Variants in CNTN4 observed in about 807,000 individuals in gnomAD.
The protein encoded by CNTN4 is contactin 4, also known as contactin-4.
In CNTN4, 77 loss-of-function variants were observed where a neutral mutation model predicts 122.5. The observed-to-expected ratio is 0.63, with a 90% CI of 0.52 to 0.76. The LOEUF (loss-of-function observed/expected upper bound fraction) is 0.76, where lower values mean the gene tolerates loss of function less well. Among genes scored for constraint, CNTN4 ranks in the 30% least tolerant of loss-of-function variants. The pLI is 0.00. For synonymous variants in CNTN4, 512 were observed against 447.0 expected, an observed-to-expected ratio of 1.15 and a Z score of -1.83; for missense variants, 1,256 against 1,259.1, an observed-to-expected ratio of 1.00 and a Z score of 0.04.
intron 6 of CNTN4, among the ~76,000 whole-genome samples, chr3:2,812,252 A>G (rs1489890536): frequency 1.3e-5 from 2 of 152,192 alleles, no homozygotes; most frequent in African/African-American, 4.8e-5. Flanking sequence ...ACAAACCTGC[A>G]CATGTACCCC....
intron 12 of CNTN4, among the ~76,000 whole-genome samples, chr3:2,914,148 GC>G (rs2151255058): frequency 6.6e-6 from 1 of 152,196 alleles, no homozygotes; most frequent in African/African-American, 2.4e-5. Context: ...TACGGATGCA[GC>G]AAAAGCAGTA....
intron 4 of CNTN4, among the ~76,000 whole-genome samples, chr3:2,588,657 G>T (rs1157440345): frequency 6.6e-6 from 1 of 151,894 alleles, no homozygotes; most frequent in East Asian, 1.9e-4. Flanking sequence ...GAGCCACCAC[G>T]CCTGGCCATG....
chr3:2,870,561 T>G (rs1559602006), intron 8 of CNTN4, among the ~76,000 whole-genome samples: 3 of 152,196 alleles, frequency 2.0e-5, no homozygotes, highest in African/African-American at 7.2e-5. Context: ...TGAAATTCTC[T>G]CTCCTCAAGA....
chr3:2,578,139 T>C (rs777878576), intron 4 of CNTN4, among the ~76,000 whole-genome samples: 3 of 152,084 alleles, frequency 2.0e-5, no homozygotes, highest in Non-Finnish European at 4.4e-5. Flanking sequence ...GAATCTATGA[T>C]AGACAAAAAT....
At position 2,340,710 on chromosome 3, in the gene CNTN4, T is replaced by TATATATATATATATAGAGAGAGAGAGAG; in HGVS notation, c.-89+1478_-89+1479insTATATATATATATAGAGAGAGAGAGAGA. On this transcript the variant is annotated intron_variant, in intron 3 of 24. Coordinates refer to ENST00000418658, the MANE Select transcript of CNTN4 (RefSeq NM_175607.3). ...TTATATATATATATATATATATATA[T>TATATATATATATATAGAGAGAGAGAGAG]AGAGAGAGAGAGAGAGAGAGAGAGA... 2.0e-3 allele frequency among the ~76,000 whole-genome samples: 37 copies of TATATATATATATATAGAGAGAGAGAGAG among 18,298 alleles called. 1 individual carries two copies. Among genetic ancestry groups the TATATATATATATATAGAGAGAGAGAGAG allele is most frequent in the East Asian group, 5.0e-3 (1 of 202 alleles). 12.0% of individuals were successfully genotyped at this position (18,298 alleles called of 152,430 possible).
At chr3:2,319,705 C>A (rs188986610) in intron 2 of CNTN4, among the ~76,000 whole-genome samples, 1 of 152,088 alleles carries the variant, frequency 6.6e-6, no homozygotes, top group Non-Finnish European at 1.5e-5. Context: ...TTTATGTTAT[C>A]GGTAAGACTT....
At chr3:2,406,003 G>C (rs976888330) in intron 3 of CNTN4, among the ~76,000 whole-genome samples, 6 of 151,206 alleles carry the variant, frequency 4.0e-5, no homozygotes, top group African/African-American at 9.7e-5. Flanking sequence ...CTCCAGCCTA[G>C]ATGACAGAGT....
intron 6 of CNTN4, among the ~76,000 whole-genome samples, chr3:2,759,922 C>G (rs531327280): frequency 1.3e-5 from 2 of 152,282 alleles, no homozygotes; most frequent in African/African-American, 4.8e-5. Context: ...GCATTTCCCA[C>G]ATGGCTAATG....
chr3:2,973,423 C>A lies in CNTN4; in HGVS notation c.1359-14922C>A, dbSNP rs146103279. ...CTCTGTTTATCCCAGACACTGATTT[C>A]TCTATTCAGTTTTGTGATGTGGAGA... On this transcript the variant is annotated intron_variant, in intron 13 of 24. Coordinates refer to ENST00000418658, the MANE Select transcript of CNTN4 (RefSeq NM_175607.3). Among the ~76,000 whole-genome samples, 1,089 of 152,136 alleles carry A rather than the reference C, an allele frequency of 7.2e-3. 22 individuals carry two copies. Among genetic ancestry groups the A allele is most frequent in the African/African-American group, 0.025 (1,018 of 41,440 alleles).
chr3:2,749,127 T>C (rs1413907887), intron 6 of CNTN4, among the ~76,000 whole-genome samples: 1 of 152,120 alleles, frequency 6.6e-6, no homozygotes, highest in Non-Finnish European at 1.5e-5. Context: ...CCTCTACTTT[T>C]ACATAACAGT....
intron 2 of CNTN4, among the ~76,000 whole-genome samples, chr3:2,154,959 C>T (rs967407932): frequency 3.3e-5 from 5 of 152,218 alleles, no homozygotes; most frequent in African/African-American, 1.2e-4. Flanking sequence ...CAGAAAAACA[C>T]CAGTGTCCTA....
At chr3:2,147,653 A>G (rs758430157) in intron 2 of CNTN4, among the ~76,000 whole-genome samples, 6 of 152,220 alleles carry the variant, frequency 3.9e-5, no homozygotes, top group Non-Finnish European at 5.9e-5. Context: ...TCCCATCTCA[A>G]CAGGCTTCAC....
At chr3:2,229,894 C>T (rs1227580952) in intron 2 of CNTN4, among the ~76,000 whole-genome samples, 2 of 152,170 alleles carry the variant, frequency 1.3e-5, no homozygotes, top group Non-Finnish European at 2.9e-5. Flanking sequence ...ACACCTTTTC[C>T]ACTATGCTGT....
chr3:2,840,531 T>C (rs1389564781), intron 7 of CNTN4, among the ~76,000 whole-genome samples: 3 of 72,018 alleles, frequency 4.2e-5, no homozygotes, highest in African/African-American at 1.1e-4. Context: ...AAACCCCGTC[T>C]CTACTAAAAA....
In CNTN4 at chr3:2,872,134, A is replaced by G. The variant is rs74358036; in HGVS notation, c.652+5185A>G. ...TTATATGCTTCCTGCACAGATCTCA[A>G]AGAGTTATCCCTAAATTTCCATAAA... On this transcript the variant is annotated intron_variant, in intron 8 of 24. Transcript: ENST00000418658. Among the ~76,000 whole-genome samples, 3 of 1,284 alleles carry G rather than the reference A, an allele frequency of 2.3e-3. No homozygotes were observed. In the African/African-American group the frequency reaches 0.052, roughly 22 times the overall value. The allele number at this position is 1,284 out of a possible 152,430, so 0.8% of individuals were successfully genotyped here. A position where few individuals can be genotyped will look rare whatever the true frequency, so the allele number is the denominator to read the frequency against.
At chr3:2,894,299 A>ACC in intron 10 of CNTN4, among the ~76,000 whole-genome samples, 1 of 152,170 alleles carries the variant, frequency 6.6e-6, no homozygotes, top group African/African-American at 2.4e-5. Context: ...GGGACCTACA[A>ACC]TGGTTCTTAG....
chr3:2,551,137 T>A (rs1342313556), intron 3 of CNTN4, among the ~76,000 whole-genome samples: 2 of 152,136 alleles, frequency 1.3e-5, no homozygotes, highest in African/African-American at 4.8e-5. Context: ...AAGCAGAATC[T>A]GTCAGCTCCC....
intron 4 of CNTN4, among the ~76,000 whole-genome samples, chr3:2,690,626 G>C (rs1448970420): frequency 3.9e-5 from 6 of 152,078 alleles, no homozygotes; most frequent in African/African-American, 1.2e-4. Flanking sequence ...GACAAAGCTT[G>C]TCTGCCTTAC....
At chr3:2,972,940 C>T (rs1057062755) in intron 13 of CNTN4, among the ~76,000 whole-genome samples, 17 of 151,682 alleles carry the variant, frequency 1.1e-4, no homozygotes, top group Admixed American at 6.6e-4. Context: ...TTCTCTTTTT[C>T]GGTCATCAAC....
Sources: allele counts gnomAD v4.1 joint callset (sites outside exome capture counted in the v4.1 genomes callset), GRCh38; gene constraint gnomAD v4.1.1; transcripts MANE v1.5; gene names NCBI Gene and HGNC (gene_info 2026-07-23, HGNC 2026-07-21).